Variants in ZNF385D observed in about 807,000 individuals in gnomAD.
ZNF385D encodes the protein zinc finger protein 385D.
Under a neutral mutation model 35.8 loss-of-function variants are expected in ZNF385D, and 15 were observed. That is an observed-to-expected ratio of 0.42 (90% CI 0.28 to 0.64). The LOEUF is 0.64. ZNF385D is among the 30% of genes least tolerant of loss of function. The pLI, the probability that ZNF385D is intolerant of heterozygous loss-of-function variation, is 0.23. For synonymous variants in ZNF385D, 212 were observed against 186.8 expected, an observed-to-expected ratio of 1.13 and a Z score of -1.10; for missense variants, 474 against 494.6, an observed-to-expected ratio of 0.96 and a Z score of 0.39.
At chr3:22,324,719 C>G (rs925404631) in intron 2 of ZNF385D, among the ~76,000 whole-genome samples, 5 of 152,134 alleles carry the variant, frequency 3.3e-5, no homozygotes, top group Non-Finnish European at 7.4e-5. Flanking sequence ...AGGAAAGATA[C>G]AGCATTTTGA....
chr3:22,216,620 A>T (rs2638133), intron 2 of ZNF385D, among the ~76,000 whole-genome samples: 133,085 of 152,170 alleles, frequency 0.87, 58,546 homozygotes, highest in East Asian at 0.97. Context: ...AAGGGATAAG[A>T]GTGAGGAATG....
At chr3:21,926,740 G>A (rs536025568) in intron 3 of ZNF385D, among the ~76,000 whole-genome samples, 4 of 152,234 alleles carry the variant, frequency 2.6e-5, no homozygotes, top group Admixed American at 6.5e-5. Context: ...ATAGGCATGG[G>A]CAAAGACTTC....
At chr3:21,811,351 A>C (rs1017497332) in intron 3 of ZNF385D, among the ~76,000 whole-genome samples, 1 of 152,114 alleles carries the variant, frequency 6.6e-6, no homozygotes, top group Non-Finnish European at 1.5e-5. Flanking sequence ...TGGGAGAGGA[A>C]ATATTCAAGA....
chr3:22,360,791 A>C (rs1696374884), intron 2 of ZNF385D, among the ~76,000 whole-genome samples: 1 of 151,838 alleles, frequency 6.6e-6, no homozygotes, highest in Admixed American at 6.6e-5. Flanking sequence ...TAATGTTTAG[A>C]CTCTCCTTTA....
chr3:21,481,498 C>A (rs534158900), intron 4 of ZNF385D, among the ~76,000 whole-genome samples: 1 of 152,154 alleles, frequency 6.6e-6, no homozygotes, highest in Non-Finnish European at 1.5e-5. Flanking sequence ...GAATTCATCG[C>A]CTCATGAGAT....
intron 3 of ZNF385D, among the ~76,000 whole-genome samples, chr3:21,949,412 T>C (rs977066179): frequency 1.3e-5 from 2 of 152,048 alleles, no homozygotes; most frequent in African/African-American, 4.8e-5. Flanking sequence ...GCTATCTTTA[T>C]TGTTGGGCCT....
intron 1 of ZNF385D, among the ~76,000 whole-genome samples, chr3:21,696,020 C>G (rs7610132): frequency 0.061 from 9,316 of 152,140 alleles, 451 homozygotes; most frequent in African/African-American, 0.12. Flanking sequence ...CCCTGTTTTA[C>G]AAATAAGAGA....
intron 2 of ZNF385D, among the ~76,000 whole-genome samples, chr3:21,642,039 C>A (rs935698117): frequency 6.6e-6 from 1 of 152,106 alleles, no homozygotes; most frequent in African/African-American, 2.4e-5. Context: ...CAACATGGCA[C>A]TGGCCAGGCA....
chr3:22,304,797 T>G (rs1001462024), intron 2 of ZNF385D, among the ~76,000 whole-genome samples: 26 of 152,306 alleles, frequency 1.7e-4, no homozygotes, highest in African/African-American at 6.3e-4. Flanking sequence ...TTTTTCATTT[T>G]GTAATTCTTT....
chr3:21,694,971 C>T (rs2067420327), intron 1 of ZNF385D, among the ~76,000 whole-genome samples: 1 of 152,062 alleles, frequency 6.6e-6, no homozygotes, highest in Admixed American at 6.6e-5. Context: ...GTGAGTCAGT[C>T]CCGGAGTTGA....
intron 2 of ZNF385D, among the ~76,000 whole-genome samples, chr3:21,577,885 C>T (rs1440802596): frequency 1.3e-5 from 2 of 151,386 alleles, no homozygotes; most frequent in African/African-American, 4.9e-5. Flanking sequence ...TCTCAACTCA[C>T]TGCAGCCTCA....
chr3:21,984,866 T>C (rs1192835817), intron 3 of ZNF385D, among the ~76,000 whole-genome samples: 1 of 136,518 alleles, frequency 7.3e-6, no homozygotes, highest in Non-Finnish European at 1.6e-5. Flanking sequence ...TAGTTCTCCT[T>C]GAAGAGGTCC....
chr3:22,114,703 C>G (rs542986467), intron 3 of ZNF385D, among the ~76,000 whole-genome samples: 2 of 152,162 alleles, frequency 1.3e-5, no homozygotes, highest in Admixed American at 1.3e-4. Context: ...TATTTTTCTA[C>G]TAACTTTGAA....
intron 3 of ZNF385D, among the ~76,000 whole-genome samples, chr3:22,136,933 G>A (rs1301566321): frequency 6.6e-6 from 1 of 152,102 alleles, no homozygotes; most frequent in Non-Finnish European, 1.5e-5. Flanking sequence ...AAGGAATAGA[G>A]GGATGATTAG....
chr3:21,966,498 T>C (rs915828107), intron 3 of ZNF385D, among the ~76,000 whole-genome samples: 5 of 152,210 alleles, frequency 3.3e-5, no homozygotes, highest in Admixed American at 6.5e-5. Context: ...TAATCAGAAA[T>C]TGTTCACTGT....
chr3:22,290,296 T>C lies in ZNF385D; in HGVS notation c.106+82154A>G, dbSNP rs377100718. Among the ~76,000 whole-genome samples the C allele has an allele frequency of 3.9e-5, 6 of 152,060 alleles. No homozygotes were observed. The East Asian group carries it at 5.8e-4, about 15-fold the overall frequency. On this transcript the variant is annotated intron_variant, in intron 2 of 5. Coordinates refer to the ZNF385D transcript ENST00000494108. ...TTACTAACCTATTCAATATGAATGC[T>C]CTCCTCAGACCACACCACACCCAAA...
At chr3:22,267,249 CA>C (rs1700944027) in intron 2 of ZNF385D, among the ~76,000 whole-genome samples, 1 of 151,852 alleles carries the variant, frequency 6.6e-6, no homozygotes, top group African/African-American at 2.4e-5. Flanking sequence ...AGATAAATAA[CA>C]TACAGAGTAT....
chr3:21,722,355 T>C (rs4858009), intron 1 of ZNF385D, among the ~76,000 whole-genome samples: 25,762 of 152,244 alleles, frequency 0.17, 2,646 homozygotes, highest in Admixed American at 0.3. Flanking sequence ...CTATCCTTCT[T>C]CCTCTCTCGT....
chr3:21,473,454 T>C (rs17273537), intron 4 of ZNF385D, among the ~76,000 whole-genome samples: 48,082 of 151,912 alleles, frequency 0.32, 8,006 homozygotes, highest in Middle Eastern at 0.43. Context: ...AGGAAGGATC[T>C]GGTTTGTCTG....
Sources: allele counts gnomAD v4.1 joint callset (sites outside exome capture counted in the v4.1 genomes callset), GRCh38; gene constraint gnomAD v4.1.1; transcripts MANE v1.5; gene names NCBI Gene and HGNC (gene_info 2026-07-23, HGNC 2026-07-21).